MSRA: variants seen among roughly 807,000 people sequenced by gnomAD.
The protein encoded by MSRA is mitochondrial peptide methionine sulfoxide reductase.
Under a neutral mutation model 31.3 loss-of-function variants are expected in MSRA, and 54 were observed. That is an observed-to-expected ratio of 1.73 (90% CI 1.39 to 2.17). The LOEUF is 2.17. Ranked by LOEUF, MSRA falls within the 30% of genes most tolerant of loss-of-function variation. MSRA has a pLI of 0.00. For synonymous variants in MSRA, 169 were observed against 116.5 expected (o/e 1.45, Z -2.90); for missense variants, 507 against 300.9 (o/e 1.69, Z -5.07).
chr8:10,314,436 G>T (rs991585306), intron 4 of MSRA, among the ~76,000 whole-genome samples: 1 of 152,002 alleles, frequency 6.6e-6, no homozygotes, highest in Non-Finnish European at 1.5e-5. Flanking sequence ...TGCAAATTAA[G>T]ATCAAGTGAG....
chr8:10,411,412 A>C (rs1373493795), intron 5 of MSRA: 2 of 152,240 alleles, frequency 1.3e-5, no homozygotes, highest in African/African-American at 4.8e-5. Flanking sequence ...CTAACGCATC[A>C]CAGCCAACTG....
chr8:10,236,420 T>C (rs2952243), intron 2 of MSRA, among the ~76,000 whole-genome samples: 147,249 of 152,330 alleles, frequency 0.97, 71,334 homozygotes, highest in East Asian at 1. Context: ...GTATGGAAGG[T>C]ATACTAAAAT....
At chr8:10,292,177 C>T (rs990852292) in intron 3 of MSRA, among the ~76,000 whole-genome samples, 3 of 152,172 alleles carry the variant, frequency 2.0e-5, no homozygotes, top group Non-Finnish European at 4.4e-5. Context: ...GGGTTGGAGT[C>T]CAGTGTGCAT....
chr8:10,356,912 AT>A lies in MSRA; in HGVS notation c.543+36924del, dbSNP rs781199388. Among the ~76,000 whole-genome samples, 496 of 49,634 alleles carry A rather than the reference AT, an allele frequency of 1.0e-2. 15 individuals are homozygous for A. The highest frequency in any genetic ancestry group is 9.5e-3 in the Non-Finnish European group (230 of 24,214). The allele number at this position is 49,634 out of a possible 152,430, so 32.6% of individuals were successfully genotyped here. ...ATTAAAAAAAAAAAAAAAAAAAAAT[AT>A]ATGTGTCTTTGAAGTCTCCTTTAAA... On this transcript the variant is annotated intron_variant, in intron 5 of 5. Transcript: ENST00000317173.
At chr8:10,218,926 A>G (rs1810241788) in intron 2 of MSRA, among the ~76,000 whole-genome samples, 1 of 152,222 alleles carries the variant, frequency 6.6e-6, no homozygotes, top group Non-Finnish European at 1.5e-5. Context: ...GTCAGGTGGC[A>G]GAAGGCAGGT....
chr8:10,366,096 C>G (rs987092752), intron 5 of MSRA, among the ~76,000 whole-genome samples: 5 of 152,282 alleles, frequency 3.3e-5, no homozygotes, highest in Non-Finnish European at 5.9e-5. Context: ...GTTTACTGGT[C>G]TTGTGGCCTG....
At chr8:10,317,308 G>A (rs750770836) in intron 4 of MSRA, among the ~76,000 whole-genome samples, 2 of 152,278 alleles carry the variant, frequency 1.3e-5, no homozygotes, top group Middle Eastern at 3.4e-3. Flanking sequence ...CATTTATCAC[G>A]TCTGCAATCA....
Position 10,054,725 on chromosome 8 carries a change from G to A in MSRA, c.142+67G>A, listed in dbSNP as rs922258854. On this transcript the variant is annotated intron_variant, in intron 1 of 5. Coordinates refer to ENST00000317173, the MANE Select transcript of MSRA (RefSeq NM_012331.5). ...GCATGCGCGCCTTTGCCCGGCGGCA[G>A]CGCGCCCGCTGCCCGGAAGGAAGCC... 2.2e-6 allele frequency: 3 copies of A among 1,388,796 alleles called. No individual in the cohort carries two copies. In the African/African-American group the frequency reaches 4.5e-5, roughly 21 times the overall value. The allele number at this position is 1,388,796 out of a possible 1,614,324, so 86.0% of individuals were successfully genotyped here.
chr8:10,183,953 T>C (rs562456160), intron 1 of MSRA, among the ~76,000 whole-genome samples: 21 of 142,492 alleles, frequency 1.5e-4, no homozygotes, highest in Middle Eastern at 3.7e-3. Flanking sequence ...CTGCTGGTGG[T>C]ATTGGTAGTG....
At position 10,245,021 on chromosome 8, in the gene MSRA, A is replaced by G. The variant is rs956508507; in HGVS notation, c.212-83A>G. The G allele has an allele frequency of 3.1e-6, 4 of 1,279,056 alleles. No homozygotes were observed. The African/African-American group carries it at 4.5e-5, about 15-fold the overall frequency. 79.2% of individuals were successfully genotyped at this position (1,279,056 alleles called of 1,614,324 possible). A position where few individuals can be genotyped will look rare whatever the true frequency, so the allele number is the denominator to read the frequency against. On this transcript the variant is annotated intron_variant, in intron 2 of 5. Coordinates refer to ENST00000317173, the MANE Select transcript of MSRA (RefSeq NM_012331.5). Reference sequence around the variant, plus strand: ...CAGGAGCAACTTTTTTTTTTTCTTCATGTAACAGGTGTATGTGGATGTGCA... The same window carrying G: ...CAGGAGCAACTTTTTTTTTTTCTTCGTGTAACAGGTGTATGTGGATGTGCA...
At chr8:10,300,546 A>G (rs1166612512) in intron 3 of MSRA, among the ~76,000 whole-genome samples, 2 of 151,844 alleles carry the variant, frequency 1.3e-5, no homozygotes, top group African/African-American at 4.8e-5. Flanking sequence ...ATCCACCACC[A>G]CACCCAGCTA....
chr8:10,400,499 G>A (rs1286277966), intron 5 of MSRA, among the ~76,000 whole-genome samples: 1 of 152,112 alleles, frequency 6.6e-6, no homozygotes, highest in Non-Finnish European at 1.5e-5. Context: ...AGTGAGAACA[G>A]GTATGACAAA....
intron 5 of MSRA, among the ~76,000 whole-genome samples, chr8:10,374,539 G>A (rs1284404816): frequency 6.6e-6 from 1 of 152,164 alleles, no homozygotes; most frequent in Non-Finnish European, 1.5e-5. Flanking sequence ...AATCGCCCAA[G>A]GTCTTCCAGA....
At chr8:10,293,279 G>T (rs1467511821) in intron 3 of MSRA, among the ~76,000 whole-genome samples, 1 of 152,176 alleles carries the variant, frequency 6.6e-6, no homozygotes, top group Non-Finnish European at 1.5e-5. Flanking sequence ...GTGGCCAGGT[G>T]CGTGGGTAAG....
At position 10,093,547 on chromosome 8, in the gene MSRA, A is replaced by C. The variant is rs193153507; in HGVS notation, c.142+38889A>C. Among the ~76,000 whole-genome samples the C allele has an allele frequency of 9.9e-5, 15 of 152,282 alleles. No homozygotes were observed. In the South Asian group the frequency reaches 3.1e-3, roughly 32 times the overall value. On this transcript the variant is annotated intron_variant, in intron 1 of 5. Transcript: ENST00000317173. ...AACATAGGTTTATAACAACAGTTCT[A>C]TGCTTTTGTCATTTACATCAGATAG...
At chr8:10,161,844 G>C (rs1436740878) in intron 1 of MSRA, among the ~76,000 whole-genome samples, 1 of 152,048 alleles carries the variant, frequency 6.6e-6, no homozygotes, top group East Asian at 1.9e-4. Context: ...TGATAACCAT[G>C]GGCCCTGGGC....
chr8:10,178,277 T>C (rs747685838), intron 1 of MSRA, among the ~76,000 whole-genome samples: 3 of 152,070 alleles, frequency 2.0e-5, no homozygotes, highest in Non-Finnish European at 4.4e-5. Flanking sequence ...AAAAATCAAA[T>C]GAATCTGAGC....
chr8:10,320,907 C>G (rs1802011080), intron 5 of MSRA, among the ~76,000 whole-genome samples: 4 of 152,198 alleles, frequency 2.6e-5, no homozygotes. Context: ...TGGCTTAGTG[C>G]TAACCCTCAT....
At chr8:10,283,850 C>T (rs1164618421) in intron 3 of MSRA, among the ~76,000 whole-genome samples, 65 of 134,046 alleles carry the variant, frequency 4.8e-4, no homozygotes, top group East Asian at 1.0e-3. Flanking sequence ...CACACACACA[C>T]ACACACACAC....
Sources: allele counts gnomAD v4.1 joint callset (sites outside exome capture counted in the v4.1 genomes callset), GRCh38; gene constraint gnomAD v4.1.1; transcripts MANE v1.5; gene names NCBI Gene and HGNC (gene_info 2026-07-23, HGNC 2026-07-21).